Variants in PRH1 observed in about 807,000 individuals in gnomAD.
PRH1 encodes proline rich protein HaeIII subfamily 1.
In PRH1, 7 loss-of-function variants were observed where a neutral mutation model predicts 7.9. That is an observed-to-expected ratio of 0.89 (90% confidence interval 0.50 to 1.67). The LOEUF is 1.67. PRH1 is among the 40% of genes most tolerant of loss of function. The pLI is 0.00. For synonymous variants in PRH1, 45 were observed against 80.8 expected (o/e 0.56, Z 2.38); for missense variants, 109 against 223.6 (o/e 0.49, Z 3.27).
upstream of PRH1, among the ~76,000 whole-genome samples, chr12:10,885,294 A>T (rs933227235): frequency 6.6e-6 from 1 of 152,134 alleles, no homozygotes; most frequent in East Asian, 1.9e-4. Flanking sequence ...TTTTATCTGT[A>T]ATATTCCAAT....
At chr12:11,168,347 AAGAAAG>A (rs1215423679) in intron 1 of PRH1, among the ~76,000 whole-genome samples, 1 of 70,880 alleles carries the variant, frequency 1.4e-5, no homozygotes, top group Non-Finnish European at 3.5e-5. Context: ...AAGGAAGGGA[AAGAAAG>A]GAAAGAAAAG....
intron 1 of PRH1, chr12:10,986,311 T>G: frequency 6.2e-7 from 1 of 1,614,030 alleles, no homozygotes; most frequent in East Asian, 2.2e-5. Flanking sequence ...GGTATGAAGC[T>G]CCATAGGGTA....
At chr12:11,021,728 C>A (rs72475481) in intron 1 of PRH1, 13 of 1,513,218 alleles carry the variant, frequency 8.6e-6, no homozygotes, top group African/African-American at 1.4e-5. Context: ...TTCCTACTTC[C>A]CATAATCAGG....
intron 1 of PRH1, among the ~76,000 whole-genome samples, chr12:11,140,363 A>C (rs1946668608): frequency 6.6e-6 from 1 of 152,170 alleles, no homozygotes; most frequent in African/African-American, 2.4e-5. Context: ...GCTGTTATTG[A>C]AAAAATGAAT....
At chr12:10,903,744 C>G (rs1949756811) in intron 2 of PRH1, among the ~76,000 whole-genome samples, 1 of 151,564 alleles carries the variant, frequency 6.6e-6, no homozygotes, top group Admixed American at 6.6e-5. Context: ...AACTATATCT[C>G]TTTGCTGATG....
At chr12:11,148,038 T>G (rs1434049650) in intron 1 of PRH1, among the ~76,000 whole-genome samples, 1 of 146,146 alleles carries the variant, frequency 6.8e-6, no homozygotes, top group Non-Finnish European at 1.5e-5. Flanking sequence ...TATTTTATTC[T>G]CTTTGAAGCA....
intron 1 of PRH1, among the ~76,000 whole-genome samples, chr12:11,130,507 T>A (rs984182286): frequency 1.3e-5 from 2 of 152,166 alleles, no homozygotes; most frequent in Admixed American, 1.3e-4. Flanking sequence ...AGGCTACTGG[T>A]CTCAAATGGA....
At chr12:10,896,658 A>C (rs1486285344) in intron 2 of PRH1, among the ~76,000 whole-genome samples, 1 of 150,120 alleles carries the variant, frequency 6.7e-6, no homozygotes, top group Non-Finnish European at 1.5e-5. Context: ...GTTACTCGGG[A>C]GGCTGAGGCA....
rs201593774 is a variant in PRH1, at chr12:11,168,303, G to A, written n.39+3119C>T. 2.2e-3 allele frequency among the ~76,000 whole-genome samples: 33 copies of A among 15,180 alleles called. 4 individuals are homozygous for A. The highest frequency in any genetic ancestry group is 0.05 in the Middle Eastern group (1 of 20). The allele number at this position is 15,180 out of a possible 152,430, so 10.0% of individuals were successfully genotyped here. On this transcript the variant is annotated intron_variant and non_coding_transcript_variant, in intron 1 of 1. Coordinates refer to the PRH1 transcript ENST00000541175. ...AAGAAAGAAAGAAAGAAAGAAAGAA[G>A]GAAGGAAGGAAGGAAGGAAGGAAGG...
At chr12:11,144,016 G>C (rs186402848) in intron 1 of PRH1, among the ~76,000 whole-genome samples, 39 of 152,254 alleles carry the variant, frequency 2.6e-4, no homozygotes, top group African/African-American at 8.7e-4. Context: ...TGGACTCCAC[G>C]GGGGTCCTTA....
At chr12:11,002,685 A>T (rs1308906552) in intron 1 of PRH1, among the ~76,000 whole-genome samples, 1 of 152,118 alleles carries the variant, frequency 6.6e-6, no homozygotes, top group South Asian at 2.1e-4. Context: ...ATTTTACTAT[A>T]GCAGTCAAAG....
intron 2 of PRH1, chr12:10,908,115 T>C: frequency 2.5e-6 from 1 of 393,196 alleles, no homozygotes; most frequent in Non-Finnish European, 4.5e-6. Context: ...AAGTATGCTG[T>C]AGTATATGTT....
intron 1 of PRH1, among the ~76,000 whole-genome samples, chr12:10,982,272 G>A (rs1204296220): frequency 6.6e-6 from 1 of 152,148 alleles, no homozygotes; most frequent in Non-Finnish European, 1.5e-5. Flanking sequence ...AGAATTGGTC[G>A]CTGCCACAAC....
At chr12:11,117,561 C>G (rs1171671574), downstream of PRH1, among the ~76,000 whole-genome samples, 1 of 152,064 alleles carries the variant, frequency 6.6e-6, no homozygotes, top group Non-Finnish European at 1.5e-5. Context: ...ATAGAGAAAA[C>G]AATCCTAAAA....
intron 1 of PRH1, among the ~76,000 whole-genome samples, chr12:10,989,272 C>T (rs1474700487): frequency 6.6e-6 from 1 of 152,168 alleles, no homozygotes; most frequent in African/African-American, 2.4e-5. Flanking sequence ...CACATACTTG[C>T]ATCTTTATGT....
At chr12:11,042,601 A>G (rs1591874587) in intron 1 of PRH1, among the ~76,000 whole-genome samples, 2 of 141,046 alleles carry the variant, frequency 1.4e-5, no homozygotes, top group African/African-American at 5.3e-5. Flanking sequence ...ATAGAGAAAG[A>G]GGGACTACTT....
intron 1 of PRH1, among the ~76,000 whole-genome samples, chr12:11,140,633 C>T (rs1400276115): frequency 1.3e-5 from 2 of 152,182 alleles, no homozygotes. Context: ...TCAAACACAA[C>T]ATCCTTGCTG....
At chr12:10,964,104 A>C (rs1470269416) in intron 2 of PRH1, among the ~76,000 whole-genome samples, 1 of 152,250 alleles carries the variant, frequency 6.6e-6, no homozygotes. Flanking sequence ...TTTCAAATGA[A>C]ACATGATAAT....
At chr12:11,046,624 A>G (rs1942908911) in intron 1 of PRH1, among the ~76,000 whole-genome samples, 1 of 152,106 alleles carries the variant, frequency 6.6e-6, no homozygotes, top group South Asian at 2.1e-4. Flanking sequence ...TCTCTCTAGT[A>G]TCTGCCTATT....
Sources: gnomAD v4.1 joint callset for allele counts (sites outside exome capture counted in the v4.1 genomes callset) on GRCh38, gnomAD v4.1.1 for gene constraint, MANE v1.5 for transcripts, NCBI Gene and HGNC (gene_info 2026-07-23, HGNC 2026-07-21) for gene names.